The following KIRREL3 variants were observed in gnomAD, a reference collection of about 807,000 sequenced individuals.
KIRREL3 encodes kirre like nephrin family adhesion molecule 3.
A neutral mutation model predicts 89.7 loss-of-function variants in KIRREL3; 36 were observed. The ratio of observed to expected loss-of-function variants is 0.40; its 90% CI spans 0.31 to 0.53. The LOEUF (loss-of-function observed/expected upper bound fraction) is 0.53, where lower values mean the gene tolerates loss of function less well. Ranked by LOEUF, KIRREL3 falls within the 20% of genes least tolerant of loss-of-function variation. The pLI is 0.49. For synonymous variants in KIRREL3, 445 were observed against 441.4 expected (o/e 1.01, Z -0.10); for missense variants, 864 against 1,056.6 (o/e 0.82, Z 2.53).
At chr11:126,586,204 C>T (rs1591780630) in intron 1 of KIRREL3, among the ~76,000 whole-genome samples, 4 of 152,210 alleles carry the variant, frequency 2.6e-5, no homozygotes. Context: ...GAAAAGGCAC[C>T]TGAGGACCTT....
At position 126,763,331 on chromosome 11, in the gene KIRREL3, G is replaced by C. The variant is rs1949720904; in HGVS notation, c.56-200419C>G. On this transcript the variant is annotated intron_variant, in intron 1 of 16. Coordinates refer to ENST00000525144, the MANE Select transcript of KIRREL3 (RefSeq NM_032531.4). The surrounding 1 kb of genome is among the most constrained non-coding windows in gnomAD (Gnocchi z 4.7). ...GCCACTTTCGATACATAAAACAAGA[G>C]TCCACATCTGTGCCAAGGGCTGGGC... is the stretch of plus-strand genomic sequence containing the variant. Among the ~76,000 whole-genome samples the C allele has an allele frequency of 1.3e-5, 2 of 152,230 alleles. No homozygotes were observed. The highest frequency in any genetic ancestry group is 2.1e-4 in the South Asian group (1 of 4,830).
chr11:126,706,853 T>C (rs900104039), intron 1 of KIRREL3, among the ~76,000 whole-genome samples: 4 of 152,204 alleles, frequency 2.6e-5, no homozygotes, highest in Middle Eastern at 3.2e-3. Context: ...CTTTTTGAAC[T>C]GTAAGAACTC....
chr11:126,715,274 A>C lies in KIRREL3; in HGVS notation c.56-152362T>G, dbSNP rs942399880. Among the ~76,000 whole-genome samples the C allele has an allele frequency of 6.6e-6, 1 of 152,236 alleles. No individual in the cohort carries two copies. The highest frequency in any genetic ancestry group is 1.5e-5 in the Non-Finnish European group (1 of 68,042). ...ATCTATTTTGTGGGGGAAGAAAACT[A>C]TTCAGCATTTTCAGGTTCCTTCCTT... On this transcript the variant is annotated intron_variant, in intron 1 of 16. Coordinates refer to ENST00000525144, the MANE Select transcript of KIRREL3 (RefSeq NM_032531.4). The surrounding 1 kb of genome is among the most constrained non-coding windows in gnomAD (Gnocchi z 4.4).
chr11:126,546,800 C>T (rs1938845179), intron 2 of KIRREL3, among the ~76,000 whole-genome samples: 1 of 152,106 alleles, frequency 6.6e-6, no homozygotes, highest in South Asian at 2.1e-4. Flanking sequence ...TTTTTCAAAG[C>T]ATCACGCAAT....
chr11:126,577,080 G>A (rs548180649), intron 1 of KIRREL3, among the ~76,000 whole-genome samples: 2 of 152,172 alleles, frequency 1.3e-5, no homozygotes, highest in Non-Finnish European at 2.9e-5. Context: ...CACGTGGAAG[G>A]AAGAGAGAAA....
At chr11:126,458,511 C>T (rs934178771) in intron 6 of KIRREL3, among the ~76,000 whole-genome samples, 12 of 152,170 alleles carry the variant, frequency 7.9e-5, no homozygotes, top group African/African-American at 2.9e-4. Context: ...CTGCTGGTGC[C>T]CAAGAGGACC....
chr11:126,588,782 C>T (rs916665296), intron 1 of KIRREL3, among the ~76,000 whole-genome samples: 5 of 152,156 alleles, frequency 3.3e-5, no homozygotes, highest in Non-Finnish European at 4.4e-5. Flanking sequence ...CACAGCTTGG[C>T]AGTTAGGAGG....
chr11:126,772,830 T>G lies in KIRREL3; in HGVS notation c.56-209918A>C, dbSNP rs1010089568. 6.6e-6 allele frequency among the ~76,000 whole-genome samples: 1 copy of G among 152,158 alleles called. No individual in the cohort carries two copies. Among genetic ancestry groups the G allele is most frequent in the Admixed American group, 6.5e-5 (1 of 15,292 alleles). ...CTTGGTTTTGAGCCTTTGCCCCTAA[T>G]GCCAGCACCATACCTACTGCATCTG... On this transcript the variant is annotated intron_variant, in intron 1 of 16. Transcript: ENST00000525144. This position sits in a 1 kb window ranked among gnomAD's most constrained non-coding sequence, Gnocchi z 4.6.
At position 126,615,172 on chromosome 11, in the gene KIRREL3, C is replaced by T. The variant is rs1405469812; in HGVS notation, c.56-52260G>A. Among the ~76,000 whole-genome samples the T allele has an allele frequency of 6.6e-6, 1 of 152,076 alleles. No homozygotes were observed. The highest frequency in any genetic ancestry group is 2.4e-5 in the African/African-American group (1 of 41,398). ...GTAATGTAGAGCTGTGCTTCATATT[C>T]CCCGTGCATACCTCTGCCTTAGCAC... On this transcript the variant is annotated intron_variant, in intron 1 of 16. Transcript: ENST00000525144. This position sits in a 1 kb window ranked among gnomAD's most constrained non-coding sequence, Gnocchi z 5.4.
At position 126,431,110 on chromosome 11, in the gene KIRREL3, G is replaced by T; in HGVS notation, c.1696+309C>A. ...TAGAGCAAGGATCAAACCACAAACC[G>T]CTTTTCCCCCTATCTTTCTGTACAG... On this transcript the variant is annotated intron_variant, in intron 14 of 16. Coordinates refer to ENST00000525144, the MANE Select transcript of KIRREL3 (RefSeq NM_032531.4). This position sits in a 1 kb window ranked among gnomAD's most constrained non-coding sequence, Gnocchi z 7.1. 1.4e-6 allele frequency: 2 copies of T among 1,404,596 alleles called. No individual in the cohort carries two copies. Among genetic ancestry groups the T allele is most frequent in the Non-Finnish European group, 1.8e-6 (2 of 1,082,792 alleles). 87.0% of individuals were successfully genotyped at this position (1,404,596 alleles called of 1,614,324 possible).
chr11:126,514,136 G>A (rs900255874), intron 4 of KIRREL3, among the ~76,000 whole-genome samples: 1 of 152,118 alleles, frequency 6.6e-6, no homozygotes, highest in Non-Finnish European at 1.5e-5. Flanking sequence ...GGTGTGTGTA[G>A]GGGGAGCGAG....
chr11:126,968,993 G>T (rs538409762), intron 1 of KIRREL3, among the ~76,000 whole-genome samples: 1 of 152,220 alleles, frequency 6.6e-6, no homozygotes, highest in East Asian at 1.9e-4. Flanking sequence ...TTACATTTTT[G>T]AGTATCTCTG....
intron 1 of KIRREL3, among the ~76,000 whole-genome samples, chr11:126,915,378 C>T (rs1050819738): frequency 1.3e-5 from 2 of 151,506 alleles, no homozygotes; most frequent in African/African-American, 2.4e-5. Context: ...TTTTAAAGCT[C>T]GCTGCTTGTA....
rs576874354 is a variant in KIRREL3, at chr11:126,537,358, T to C, written c.134-10671A>G. Among the ~76,000 whole-genome samples, 1 of 152,154 alleles carries C rather than the reference T, an allele frequency of 6.6e-6. No individual in the cohort carries two copies. Among genetic ancestry groups the C allele is most frequent in the Non-Finnish European group, 1.5e-5 (1 of 68,036 alleles). ...GATTACAAGGGATAAAGTGGTCTCA[T>C]AGAGAAGTCATATAAAGCTTTTCAG... On this transcript the variant is annotated intron_variant, in intron 2 of 16. Coordinates refer to ENST00000525144, the MANE Select transcript of KIRREL3 (RefSeq NM_032531.4). This position sits in a 1 kb window ranked among gnomAD's most constrained non-coding sequence, Gnocchi z 4.3.
intron 1 of KIRREL3, among the ~76,000 whole-genome samples, chr11:126,720,119 T>C (rs1163337805): frequency 1.3e-5 from 2 of 152,262 alleles, no homozygotes; most frequent in African/African-American, 4.8e-5. Context: ...CTTATGTTTC[T>C]TCATTGAACT....
rs1955007126 is a variant in KIRREL3, at chr11:126,428,161, C to T, written c.1806+1018G>A. Among the ~76,000 whole-genome samples the T allele has an allele frequency of 6.6e-6, 1 of 152,170 alleles. No homozygotes were observed. Among genetic ancestry groups the T allele is most frequent in the African/African-American group, 2.4e-5 (1 of 41,436 alleles). On this transcript the variant is annotated intron_variant, in intron 15 of 16. Transcript: ENST00000525144. This position sits in a 1 kb window ranked among gnomAD's most constrained non-coding sequence, Gnocchi z 6.4. ...GCTTCAAGCCCTTCTGAGTTTTGTC[C>T]ACTTCACCCTCACCACAGCCCTGTA...
In KIRREL3 at chr11:126,484,967, C is replaced by T. The variant is rs1392514111; in HGVS notation, c.434-11501G>A. Reference sequence around the variant, plus strand: ...AATAGCTGGGATTACAGGCACCTGCCACCACGCCTGGCTGATATTTTTTGG... The same window carrying T: ...AATAGCTGGGATTACAGGCACCTGCTACCACGCCTGGCTGATATTTTTTGG... On this transcript the variant is annotated intron_variant, in intron 4 of 16. Coordinates refer to ENST00000525144, the MANE Select transcript of KIRREL3 (RefSeq NM_032531.4). The surrounding 1 kb of genome is among the most constrained non-coding windows in gnomAD (Gnocchi z 5.2). Among the ~76,000 whole-genome samples, 2 of 152,154 alleles carry T rather than the reference C, an allele frequency of 1.3e-5. No homozygotes were observed. The highest frequency in any genetic ancestry group is 1.3e-4 in the Admixed American group (2 of 15,280).
chr11:126,712,419 C>G (rs914771660), intron 1 of KIRREL3, among the ~76,000 whole-genome samples: 1 of 152,180 alleles, frequency 6.6e-6, no homozygotes, highest in Non-Finnish European at 1.5e-5. Flanking sequence ...GGTGCTGTGC[C>G]GGCGAAAGGC....
rs543697880 is a variant in KIRREL3 at position 126,946,927 on chromosome 11, G to A, written c.55+53528C>T. ...TCACCATACAGAGATTGAATGTGCA[G>A]GCATTGAGTGGTTAAATAACTTCCT... On this transcript the variant is annotated intron_variant, in intron 1 of 16. Coordinates refer to ENST00000525144, the MANE Select transcript of KIRREL3 (RefSeq NM_032531.4). This position sits in a 1 kb window ranked among gnomAD's most constrained non-coding sequence, Gnocchi z 4.1. Among the ~76,000 whole-genome samples the A allele has an allele frequency of 1.3e-5, 2 of 152,290 alleles. No homozygotes were observed. Among genetic ancestry groups the A allele is most frequent in the African/African-American group, 4.8e-5 (2 of 41,562 alleles).
Sources: gnomAD v4.1 joint callset for allele counts (sites outside exome capture counted in the v4.1 genomes callset) on GRCh38, gnomAD v4.1.1 for gene constraint, Gnocchi (gnomAD v3.1) non-coding constraint, MANE v1.5 for transcripts, NCBI Gene and HGNC (gene_info 2026-07-23, HGNC 2026-07-21) for gene names.